The following RB1CC1 variants were observed in gnomAD, a reference collection of about 807,000 sequenced individuals.
RB1CC1 encodes RB1 inducible coiled-coil 1.
Under a neutral mutation model 177.5 loss-of-function variants are expected in RB1CC1, and 46 were observed. The ratio of observed to expected loss-of-function variants is 0.26; its 90% CI spans 0.20 to 0.33. The LOEUF (loss-of-function observed/expected upper bound fraction) is 0.33. Among genes scored for constraint, RB1CC1 ranks in the 10% least tolerant of loss-of-function variants. The probability of loss-of-function intolerance (pLI) is 1.00; values close to 1 mark genes in which losing one functional copy is unlikely to be tolerated. For missense variants in RB1CC1, 1,703 were observed against 1,816.3 expected (o/e 0.94, Z 1.13); for synonymous variants, 666 against 613.6 (o/e 1.09, Z -1.26).
intron 1 of RB1CC1, among the ~76,000 whole-genome samples, chr8:52,703,809 A>G (rs1856313300): frequency 6.6e-6 from 1 of 152,212 alleles, no homozygotes; most frequent in Non-Finnish European, 1.5e-5. Flanking sequence ...CTCAATACCT[A>G]ACATACTACC....
At position 52,661,735 on chromosome 8, in the gene RB1CC1, T is replaced by C; in HGVS notation, c.1174-16A>G. On this transcript the variant is annotated splice_polypyrimidine_tract_variant and intron_variant, in intron 8 of 23. Coordinates refer to ENST00000025008, the MANE Select transcript of RB1CC1 (RefSeq NM_014781.5). ...CTAAAAATCCCTTTGAGAAAAAAAA[T>C]GTTTCAAAGGACATTAATTTTGTTT... is the stretch of plus-strand genomic sequence containing the variant. The C allele has an allele frequency of 6.6e-7, 1 of 1,525,396 alleles. No individual in the cohort carries two copies. 94.5% of individuals were successfully genotyped at this position (1,525,396 alleles called of 1,614,324 possible).
chr8:52,700,189 T>C (rs933971263), intron 1 of RB1CC1, among the ~76,000 whole-genome samples: 2 of 152,052 alleles, frequency 1.3e-5, no homozygotes, highest in African/African-American at 4.8e-5. Context: ...GAAGGCAGTC[T>C]TTCACGGTGG....
chr8:52,670,613 T>C (rs1173551213), intron 7 of RB1CC1, among the ~76,000 whole-genome samples: 4 of 152,238 alleles, frequency 2.6e-5, no homozygotes, highest in African/African-American at 9.6e-5. Context: ...ATGTGCTAAA[T>C]GCAGACACTT....
chr8:52,706,313 TA>T (rs1464194558), intron 1 of RB1CC1, among the ~76,000 whole-genome samples: 2 of 151,390 alleles, frequency 1.3e-5, no homozygotes, highest in Non-Finnish European at 2.9e-5. Flanking sequence ...CCATTCTAAA[TA>T]TAGCCTTCCC....
intron 1 of RB1CC1, among the ~76,000 whole-genome samples, chr8:52,710,263 T>C (rs550377194): frequency 3.9e-5 from 6 of 152,270 alleles, no homozygotes; most frequent in East Asian, 3.9e-4. Flanking sequence ...AAGAAAACCT[T>C]TTTCATAAAA....
chr8:52,623,500 T>A lies in RB1CC1; in HGVS notation c.*282A>T. 1 of 414,192 alleles carries A rather than the reference T, an allele frequency of 2.4e-6. No individual in the cohort carries two copies. The highest frequency in any genetic ancestry group is 4.6e-6 in the Non-Finnish European group (1 of 219,112). 25.7% of individuals were successfully genotyped at this position (414,192 alleles called of 1,614,324 possible). A position where few individuals can be genotyped will look rare whatever the true frequency, so the allele number is the denominator to read the frequency against. On this transcript the variant is annotated 3_prime_UTR_variant, in exon 24 of 24. Coordinates refer to ENST00000025008, the MANE Select transcript of RB1CC1 (RefSeq NM_014781.5). ...ATCATAAGCCACAATGCACAAGGTATGCCCTTTGAGAAAATGAAGTAGTTT... is the reference window on the plus strand; with the variant it reads ...ATCATAAGCCACAATGCACAAGGTAAGCCCTTTGAGAAAATGAAGTAGTTT...
In RB1CC1 at chr8:52,672,285, T is replaced by A. The variant is rs538206413; in HGVS notation, c.1002+1560A>T. Reference sequence around the variant, plus strand: ...GTACAGGCCACTGTGCCTGGCTGACTTTTCATTAAGTCAGAGAATCACTGT... The same window carrying A: ...GTACAGGCCACTGTGCCTGGCTGACATTTCATTAAGTCAGAGAATCACTGT... On this transcript the variant is annotated intron_variant, in intron 7 of 23. Transcript: ENST00000025008. Among the ~76,000 whole-genome samples the A allele has an allele frequency of 4.9e-4, 74 of 152,298 alleles. 1 individual carries two copies. Among genetic ancestry groups the A allele is most frequent in the African/African-American group, 1.8e-3 (74 of 41,566 alleles).
intron 12 of RB1CC1, among the ~76,000 whole-genome samples, chr8:52,660,051 T>C (rs1310300649): frequency 1.3e-5 from 2 of 152,214 alleles, no homozygotes; most frequent in Non-Finnish European, 2.9e-5. Flanking sequence ...AAAGCCCCCA[T>C]ATTGCTTTGA....
intron 5 of RB1CC1, 62 bp downstream of exon 5, chr8:52,683,487 T>C (rs1853956578): frequency 9.5e-6 from 13 of 1,365,350 alleles, no homozygotes; most frequent in South Asian, 1.8e-5. Flanking sequence ...TTTAGACTAC[T>C]GTGCTATTTA....
chr8:52,678,528 A>G (rs1006490120), intron 5 of RB1CC1, among the ~76,000 whole-genome samples: 4 of 152,228 alleles, frequency 2.6e-5, no homozygotes, highest in South Asian at 2.1e-4. Flanking sequence ...TTTTGTGTGT[A>G]TATCAAAGTC....
intron 5 of RB1CC1, among the ~76,000 whole-genome samples, chr8:52,679,778 A>G (rs1853526319): frequency 6.6e-6 from 1 of 152,214 alleles, no homozygotes; most frequent in Non-Finnish European, 1.5e-5. Context: ...CCTTGTGGGA[A>G]GCTTGGGTGG....
intron 1 of RB1CC1, among the ~76,000 whole-genome samples, chr8:52,701,994 G>A (rs1856114832): frequency 6.6e-6 from 1 of 151,982 alleles, no homozygotes; most frequent in Admixed American, 6.6e-5. Context: ...TTTTAGTAGA[G>A]ATGAAGTTTC....
intron 5 of RB1CC1, among the ~76,000 whole-genome samples, chr8:52,677,730 A>C (rs1418808415): frequency 6.6e-6 from 1 of 152,238 alleles, no homozygotes; most frequent in Admixed American, 6.5e-5. Flanking sequence ...TGTCAGTAAA[A>C]TGATTATGTG....
chr8:52,697,121 G>C (rs893236150), intron 1 of RB1CC1, among the ~76,000 whole-genome samples: 1 of 152,068 alleles, frequency 6.6e-6, no homozygotes, highest in Non-Finnish European at 1.5e-5. Context: ...TGCCACCCCA[G>C]ACCACCTCTG....
intron 1 of RB1CC1, among the ~76,000 whole-genome samples, chr8:52,711,615 A>G (rs1337175046): frequency 6.6e-6 from 1 of 152,234 alleles, no homozygotes; most frequent in Non-Finnish European, 1.5e-5. Flanking sequence ...GCAGGGGTTC[A>G]ATTAGCATTT....
chr8:52,635,961 G>A, intron 19 of RB1CC1, 54 bp downstream of exon 19: 3 of 1,579,728 alleles, frequency 1.9e-6, no homozygotes, highest in African/African-American at 1.4e-5. Context: ...AAGTTTAACT[G>A]TATCCAAAAG....
At chr8:52,642,244 A>T in intron 18 of RB1CC1, 107 bp downstream of exon 18, 1 of 1,368,824 alleles carries the variant, frequency 7.3e-7, no homozygotes, top group East Asian at 2.3e-5. Flanking sequence ...TTTCAGATAC[A>T]TGGGCTGTGG....
chr8:52,659,517 G>C (rs553014211), intron 12 of RB1CC1, among the ~76,000 whole-genome samples: 26 of 151,888 alleles, frequency 1.7e-4, no homozygotes, highest in African/African-American at 6.3e-4. Flanking sequence ...AAATTGCCAA[G>C]AGTTGCATTA....
At chr8:52,630,339 T>C (rs1184505662) in intron 21 of RB1CC1, 131 bp downstream of exon 21, 3 of 1,095,810 alleles carry the variant, frequency 2.7e-6, no homozygotes, top group South Asian at 2.0e-5. Flanking sequence ...TAAAAAACTT[T>C]TACTACTACT....
Sources: gnomAD v4.1 joint callset for allele counts (sites outside exome capture counted in the v4.1 genomes callset) on GRCh38, gnomAD v4.1.1 for gene constraint, MANE v1.5 for transcripts, NCBI Gene and HGNC (gene_info 2026-07-23, HGNC 2026-07-21) for gene names.